XG: variants seen among roughly 807,000 people sequenced by gnomAD.
The protein encoded by XG is glycoprotein Xg.
A neutral mutation model predicts 25.7 loss-of-function variants in XG; 24 were observed. That is an observed-to-expected ratio of 0.93 (90% CI 0.68 to 1.31). XG has a LOEUF of 1.31. Ranked by LOEUF, XG falls within the 40% of genes most tolerant of loss-of-function variation. The pLI, the probability that XG is intolerant of heterozygous loss-of-function variation, is 0.00. For synonymous variants in XG, 77 were observed against 69.2 expected, an observed-to-expected ratio of 1.11 and a Z score of -0.56; for missense variants, 181 against 187.6, an observed-to-expected ratio of 0.96 and a Z score of 0.21.
intron 7 of XG, among the ~76,000 whole-genome samples, chrX:2,800,303 A>G (rs1319435872): frequency 1.8e-5 from 2 of 110,942 alleles, no homozygotes; most frequent in Non-Finnish European, 3.8e-5. Flanking sequence ...CAGACCTGTA[A>G]AGGTGTCAGA....
intron 1 of XG, among the ~76,000 whole-genome samples, chrX:2,759,723 GC>G (rs985714029): frequency 1.5e-4 from 23 of 152,216 alleles, no homozygotes; most frequent in South Asian, 4.1e-4. Context: ...TCCTGTGAGG[GC>G]CCCCCTCATT....
chrX:2,797,281 C>T (rs2086894122), intron 6 of XG, 29 bp from the exon 7 acceptor site: 1 of 1,207,227 alleles, frequency 8.3e-7, no homozygotes, highest in Non-Finnish European at 1.1e-6. Flanking sequence ...ACCTGAACAT[C>T]CCTCAACTCT....
In XG at chrX:2,794,790, T is replaced by C. The variant is rs764061892; in HGVS notation, c.322+187T>C. 2.1e-4 allele frequency among the ~76,000 whole-genome samples: 24 copies of C among 112,074 alleles called. 1 individual carries two copies. In the South Asian group the frequency reaches 4.1e-3, roughly 19 times the overall value. The stretch of plus-strand genomic sequence containing the variant: ...ATCAGTGGGGTTTGCGGTCTGGGCA[T>C]CTGTCCGCCTCTCCAGGCTGGGGGA... On this transcript the variant is annotated intron_variant, in intron 6 of 10. Transcript: ENST00000644266.
chrX:2,781,093 C>T lies in XG; in HGVS notation c.128-973C>T, dbSNP rs551515432. 3.3e-5 allele frequency among the ~76,000 whole-genome samples: 5 copies of T among 152,056 alleles called. No homozygotes were observed. In the South Asian group the frequency reaches 1.0e-3, roughly 32 times the overall value. ...GGCCAGGTCTCACTAACACAGGCCCCCACAACACCTGTTTCAGTATTGACT... is the reference window on the plus strand; with the variant it reads ...GGCCAGGTCTCACTAACACAGGCCCTCACAACACCTGTTTCAGTATTGACT... On this transcript the variant is annotated intron_variant, in intron 3 of 10. Transcript: ENST00000644266.
chrX:2,801,915 GCCAGGATGA>G (rs2086946385), intron 7 of XG, among the ~76,000 whole-genome samples: 1 of 109,883 alleles, frequency 9.1e-6, no homozygotes, highest in Non-Finnish European at 1.9e-5. Flanking sequence ...CACCGTGTTA[GCCAGGATGA>G]TCTCGATCTC....
chrX:2,758,858 T>G (rs2050494663), intron 1 of XG, among the ~76,000 whole-genome samples: 1 of 152,214 alleles, frequency 6.6e-6, no homozygotes. Context: ...CTATCTATCG[T>G]CTACCATTAT....
chrX:2,800,982 A>C (rs1390215231), intron 7 of XG, among the ~76,000 whole-genome samples: 1 of 107,320 alleles, frequency 9.3e-6, no homozygotes, highest in African/African-American at 3.4e-5. Context: ...TCTCAAAAAA[A>C]AAAAAAAAAA....
chrX:2,764,434 G>A (rs1239172509), intron 1 of XG, among the ~76,000 whole-genome samples: 2 of 151,962 alleles, frequency 1.3e-5, no homozygotes, highest in Admixed American at 6.6e-5. Context: ...ACCTCTTTCC[G>A]GTCACAAGTT....
At chrX:2,786,322 C>T (rs1188512245) in intron 4 of XG, among the ~76,000 whole-genome samples, 3 of 91,597 alleles carry the variant, frequency 3.3e-5, no homozygotes, top group Non-Finnish European at 6.3e-5. Flanking sequence ...TGCAATGGCA[C>T]GATGGCATGA....
At chrX:2,781,101 C>G (rs778398687) in intron 3 of XG, among the ~76,000 whole-genome samples, 1 of 151,898 alleles carries the variant, frequency 6.6e-6, no homozygotes, top group African/African-American at 2.4e-5. Context: ...CCCCACAACA[C>G]CTGTTTCAGT....
intron 3 of XG, chrX:2,775,026 G>C (rs28444688): frequency 0.077 from 32,971 of 430,026 alleles, 1,421 homozygotes; most frequent in Middle Eastern, 0.11. Context: ...GTGCTGGTGG[G>C]AGTCTAAAAT....
intron 7 of XG, among the ~76,000 whole-genome samples, chrX:2,804,658 C>T (rs2086977081): frequency 8.9e-6 from 1 of 111,923 alleles, no homozygotes; most frequent in Non-Finnish European, 1.9e-5. Flanking sequence ...CTGGCATACT[C>T]ATCAGGTAGA....
chrX:2,762,261 T>C (rs757598749), intron 1 of XG, among the ~76,000 whole-genome samples: 1 of 152,304 alleles, frequency 6.6e-6, no homozygotes, highest in South Asian at 2.1e-4. Flanking sequence ...TCTGTTGTGT[T>C]ACAGACAGAC....
intron 9 of XG, among the ~76,000 whole-genome samples, chrX:2,811,015 C>T (rs760524733): frequency 9.0e-6 from 1 of 111,675 alleles, no homozygotes. Flanking sequence ...CCAAGTGCCT[C>T]GTCTGTGCAA....
intron 5 of XG, 94 bp from the exon 6 acceptor site, chrX:2,794,441 T>C (rs2086864600): frequency 1.4e-5 from 14 of 998,584 alleles, no homozygotes; most frequent in Non-Finnish European, 1.8e-5. Context: ...AACGCTCTTC[T>C]CCAAAACCTG....
At chrX:2,803,520 A>G (rs1215526234) in intron 7 of XG, among the ~76,000 whole-genome samples, 3 of 110,650 alleles carry the variant, frequency 2.7e-5, no homozygotes, top group Non-Finnish European at 5.7e-5. Flanking sequence ...TTCAGGGTCC[A>G]GAGTTTTTAA....
chrX:2,774,556 T>A (rs311157), intron 2 of XG, among the ~76,000 whole-genome samples, 160 bp from the exon 3 acceptor site: 24 of 151,818 alleles, frequency 1.6e-4, no homozygotes, highest in Non-Finnish European at 2.5e-4. Context: ...TGTTTTCTTG[T>A]CTTTTTTCTC....
intron 4 of XG, 64 bp from the exon 5 acceptor site, chrX:2,789,580 A>G (rs756823027): frequency 3.0e-4 from 226 of 755,497 alleles, no homozygotes; most frequent in Non-Finnish European, 3.8e-4. Flanking sequence ...ATTCTTATTT[A>G]TAGATGGTAT....
intron 3 of XG, among the ~76,000 whole-genome samples, chrX:2,777,100 C>G: frequency 6.6e-6 from 1 of 152,270 alleles, no homozygotes; most frequent in Middle Eastern, 3.4e-3. Context: ...GAAATTCACA[C>G]CCTGAATAGC....
Sources: gnomAD v4.1 joint callset for allele counts (sites outside exome capture counted in the v4.1 genomes callset) on GRCh38, gnomAD v4.1.1 for gene constraint, MANE v1.5 for transcripts, NCBI Gene and HGNC (gene_info 2026-07-23, HGNC 2026-07-21) for gene names.